Variants in EPM2A observed in about 807,000 individuals in gnomAD.
The protein encoded by EPM2A is laforin.
A neutral mutation model predicts 26.5 loss-of-function variants in EPM2A; 21 were observed. The observed-to-expected ratio is 0.79, with a 90% CI of 0.56 to 1.14. EPM2A has a LOEUF of 1.14. Ranked by LOEUF, EPM2A falls within the 50% of genes most tolerant of loss-of-function variation. The pLI, the probability that EPM2A is intolerant of heterozygous loss-of-function variation, is 0.00. For synonymous variants in EPM2A, 217 were observed against 177.6 expected (o/e 1.22, Z -1.76); for missense variants, 458 against 440.8 (o/e 1.04, Z -0.35).
At chr6:145,585,273 T>G (rs993596623) in intron 2 of EPM2A, among the ~76,000 whole-genome samples, 1 of 152,168 alleles carries the variant, frequency 6.6e-6, no homozygotes, top group Admixed American at 6.5e-5. Flanking sequence ...TCTGTAGACT[T>G]ATAGTTTTCA....
intron 4 of EPM2A, among the ~76,000 whole-genome samples, chr6:145,487,073 C>A (rs1338916289): frequency 6.6e-6 from 1 of 152,080 alleles, no homozygotes; most frequent in African/African-American, 2.4e-5. Context: ...AGCTCCCACT[C>A]AAAAGTGAGA....
intron 4 of EPM2A, among the ~76,000 whole-genome samples, chr6:145,393,503 T>C (rs1778364479): frequency 6.6e-6 from 1 of 151,938 alleles, no homozygotes; most frequent in Admixed American, 6.5e-5. Flanking sequence ...CCAGAACAGT[T>C]TTTTTCCCCA....
At chr6:145,734,054 T>C (rs77998691) in intron 1 of EPM2A, among the ~76,000 whole-genome samples, 2 of 151,756 alleles carry the variant, frequency 1.3e-5, no homozygotes, top group Non-Finnish European at 2.9e-5. Flanking sequence ...AATGAAGTGT[T>C]AAAAAAAATG....
chr6:145,573,119 T>C (rs1450279113), intron 2 of EPM2A, among the ~76,000 whole-genome samples: 1 of 152,206 alleles, frequency 6.6e-6, no homozygotes, highest in Admixed American at 6.5e-5. Context: ...GTCCAGTGTG[T>C]TTGCTACTTC....
chr6:145,713,329 G>A (rs979560642), intron 1 of EPM2A, among the ~76,000 whole-genome samples: 5 of 152,142 alleles, frequency 3.3e-5, no homozygotes, highest in African/African-American at 1.2e-4. Flanking sequence ...TAAAAACCTG[G>A]ACCCTTTCAA....
intron 2 of EPM2A, among the ~76,000 whole-genome samples, chr6:145,646,939 T>C (rs759842647): frequency 6.6e-6 from 1 of 152,168 alleles, no homozygotes; most frequent in Non-Finnish European, 1.5e-5. Flanking sequence ...GCTTGTCTTC[T>C]CCCTATCCCT....
intron 2 of EPM2A, among the ~76,000 whole-genome samples, chr6:145,530,349 G>A (rs1446213033): frequency 1.3e-5 from 2 of 152,170 alleles, no homozygotes; most frequent in Non-Finnish European, 2.9e-5. Context: ...GTTTATTAAC[G>A]AATTTACATT....
chr6:145,419,878 C>A (rs1040381196), intron 4 of EPM2A, among the ~76,000 whole-genome samples: 1 of 151,818 alleles, frequency 6.6e-6, no homozygotes, highest in African/African-American at 2.4e-5. Flanking sequence ...ATCAAATATA[C>A]GTTAGTGAGC....
intron 2 of EPM2A, among the ~76,000 whole-genome samples, chr6:145,542,367 G>A (rs1026761339): frequency 6.6e-6 from 1 of 152,274 alleles, no homozygotes; most frequent in Non-Finnish European, 1.5e-5. Flanking sequence ...GGATTTCAGC[G>A]ATGAGTGAAC....
chr6:145,596,562 C>G (rs1781345581), intron 2 of EPM2A, among the ~76,000 whole-genome samples: 1 of 151,952 alleles, frequency 6.6e-6, no homozygotes, highest in South Asian at 2.1e-4. Context: ...TTTAATTCCC[C>G]TTCTTTTGGT....
rs562516278 is a variant in EPM2A at position 145,681,469 on chromosome 6, T to C, written c.476+4653A>G. On this transcript the variant is annotated intron_variant, in intron 2 of 3. Coordinates refer to ENST00000367519, the MANE Select transcript of EPM2A (RefSeq NM_005670.4). ...GTTTTAGACATGAAGTCCTTGCCCA[T>C]GCCTATGTCCTGAATGGTAATGCCT... 4.8e-3 allele frequency among the ~76,000 whole-genome samples: 722 copies of C among 149,912 alleles called. 4 individuals carry two copies. Among genetic ancestry groups the C allele is most frequent in the African/African-American group, 0.017 (703 of 40,704 alleles).
chr6:145,608,167 A>T (rs1196145056), intron 2 of EPM2A, among the ~76,000 whole-genome samples: 1 of 152,184 alleles, frequency 6.6e-6, no homozygotes, highest in Non-Finnish European at 1.5e-5. Context: ...TACTGTTATC[A>T]TTGTTCGATT....
chr6:145,517,603 C>T (rs1211774811), intron 2 of EPM2A, among the ~76,000 whole-genome samples: 1 of 152,158 alleles, frequency 6.6e-6, no homozygotes, highest in African/African-American at 2.4e-5. Flanking sequence ...TAGCAATAGA[C>T]ATACATTACT....
intron 4 of EPM2A, among the ~76,000 whole-genome samples, chr6:145,459,957 C>A (rs1024594014): frequency 3.3e-5 from 5 of 152,094 alleles, no homozygotes; most frequent in African/African-American, 1.2e-4. Flanking sequence ...AGGTCCAGAC[C>A]AGTTAGTATT....
At chr6:145,558,196 T>C (rs917139279) in intron 2 of EPM2A, among the ~76,000 whole-genome samples, 2 of 152,138 alleles carry the variant, frequency 1.3e-5, no homozygotes, top group African/African-American at 4.8e-5. Context: ...AGTTCATATG[T>C]TGGGTATAGA....
intron 2 of EPM2A, among the ~76,000 whole-genome samples, chr6:145,584,386 G>T (rs1350701275): frequency 1.3e-5 from 2 of 152,158 alleles, no homozygotes; most frequent in African/African-American, 2.4e-5. Flanking sequence ...GCAGACAGAG[G>T]TGAGCTCAGA....
chr6:145,492,688 G>A (rs1779770345), intron 4 of EPM2A, among the ~76,000 whole-genome samples: 1 of 152,182 alleles, frequency 6.6e-6, no homozygotes, highest in Admixed American at 6.5e-5. Flanking sequence ...GATTTTCCAG[G>A]GAGGACCGGA....
chr6:145,419,183 C>CCCA (rs1778748528), intron 4 of EPM2A, among the ~76,000 whole-genome samples: 1 of 146,666 alleles, frequency 6.8e-6, no homozygotes, highest in Non-Finnish European at 1.5e-5. Flanking sequence ...TTAAATGTCC[C>CCCA]CCCCCCCCGC....
At chr6:145,679,544 G>T (rs1417413827) in intron 2 of EPM2A, among the ~76,000 whole-genome samples, 4 of 151,898 alleles carry the variant, frequency 2.6e-5, no homozygotes, top group Non-Finnish European at 4.4e-5. Context: ...AAATAAAGGG[G>T]AGGAAATTAT....
Sources: gnomAD v4.1 joint callset for allele counts (sites outside exome capture counted in the v4.1 genomes callset) on GRCh38, gnomAD v4.1.1 for gene constraint, MANE v1.5 for transcripts, NCBI Gene and HGNC (gene_info 2026-07-23, HGNC 2026-07-21) for gene names.